Variants in MLH3 observed in about 807,000 individuals in gnomAD.
The protein encoded by MLH3 is DNA mismatch repair protein Mlh3.
Under a neutral mutation model 122.2 loss-of-function variants are expected in MLH3, and 82 were observed. The ratio of observed to expected loss-of-function variants is 0.67; its 90% CI spans 0.56 to 0.81. The LOEUF (loss-of-function observed/expected upper bound fraction) is 0.81, where lower values mean the gene tolerates loss of function less well. Ranked by LOEUF, MLH3 falls within the 30% of genes least tolerant of loss-of-function variation. The pLI is 0.00. For synonymous variants in MLH3, 524 were observed against 599.5 expected (o/e 0.87, Z 1.84); for missense variants, 1,539 against 1,714.5 (o/e 0.90, Z 1.81).
intron 8 of MLH3, among the ~76,000 whole-genome samples, chr14:75,031,362 A>G (rs1891037139): frequency 6.6e-6 from 1 of 152,252 alleles, no homozygotes; most frequent in African/African-American, 2.4e-5. Context: ...GAATGCACCA[A>G]AGCAAAGCAG....
In MLH3 at chr14:75,032,055, T is replaced by C. The variant is rs551067753; in HGVS notation, c.3827+13A>G. 1.4e-6 allele frequency: 2 copies of C among 1,411,020 alleles called. No homozygotes were observed. The highest frequency in any genetic ancestry group is 2.3e-5 in the East Asian group (1 of 43,964). The allele number at this position is 1,411,020 out of a possible 1,614,324, so 87.4% of individuals were successfully genotyped here. On this transcript the variant is annotated intron_variant, in intron 8 of 12. Coordinates refer to ENST00000355774, the MANE Select transcript of MLH3 (RefSeq NM_001040108.2). ...TGATACCATCAACATCACATTCTCA[T>C]GGTGGTACTGACCATAAGAGTCTCC...
Position 75,047,748 on chromosome 14 carries a change from T to C in MLH3, c.1908A>G (p.Thr636=), listed in dbSNP as rs2139573767. 6.2e-7 allele frequency: 1 copy of C among 1,614,172 alleles called. No homozygotes were observed. Among genetic ancestry groups the C allele is most frequent in the Non-Finnish European group, 8.5e-7 (1 of 1,180,004 alleles). Residue 636 remains threonine (T), a synonymous_variant, in exon 2 of 13, where the codon ACA becomes ACG. Coordinates refer to ENST00000355774, the MANE Select transcript of MLH3 (RefSeq NM_001040108.2). ...TATTTCCAAATGTTTCTTGGGCACG[T>C]GTGGGACCAGGTCTAACATAATTTT... ...SFKNYVRPGP[T]RAQETFGNRT...
At chr14:75,034,367 A>T (rs546653291) in intron 6 of MLH3, among the ~76,000 whole-genome samples, 81 of 152,316 alleles carry the variant, frequency 5.3e-4, no homozygotes, top group African/African-American at 1.9e-3. Context: ...TTGGAAACCC[A>T]CAAAGAATGT....
At chr14:75,041,742 C>T (rs568366548) in intron 3 of MLH3, 42 bp from the exon 4 acceptor site, 1 of 1,433,070 alleles carries the variant, frequency 7.0e-7, no homozygotes, top group Admixed American at 1.7e-5. Context: ...TCCAGAACCA[C>T]AGGGAAAGGA....
intron 6 of MLH3, among the ~76,000 whole-genome samples, chr14:75,036,962 T>C (rs1016768649): frequency 1.2e-4 from 18 of 151,856 alleles, no homozygotes; most frequent in African/African-American, 4.4e-4. Context: ...TACTCCATTC[T>C]CCACACTACA....
rs1435710187 is a variant in MLH3, at chr14:75,038,481, A to G, written c.3571-69T>C. The G allele has an allele frequency of 4.0e-6, 4 of 993,254 alleles. No homozygotes were observed. The East Asian group carries it at 9.5e-5, about 24-fold the overall frequency. The allele number at this position is 993,254 out of a possible 1,614,324, so 61.5% of individuals were successfully genotyped here. A position where few individuals can be genotyped will look rare whatever the true frequency, so the allele number is the denominator to read the frequency against. On this transcript the variant is annotated intron_variant, in intron 5 of 12. Coordinates refer to ENST00000355774, the MANE Select transcript of MLH3 (RefSeq NM_001040108.2). ...AACAAAGGCTTATTTGCATAGAAAGATACAGAACTGTATTTTATTTAGAGT... is the reference window on the plus strand; with the variant it reads ...AACAAAGGCTTATTTGCATAGAAAGGTACAGAACTGTATTTTATTTAGAGT...
At chr14:75,032,233 C>G in intron 7 of MLH3, 54 bp from the exon 8 acceptor site, 2 of 1,041,578 alleles carry the variant, frequency 1.9e-6, no homozygotes, top group Non-Finnish European at 3.0e-6. Context: ...CTTCTAGATT[C>G]AGATAAAAAT....
At chr14:75,019,621 CTT>C (rs928500258) in intron 11 of MLH3, among the ~76,000 whole-genome samples, 7 of 152,188 alleles carry the variant, frequency 4.6e-5, no homozygotes, top group African/African-American at 1.7e-4. Flanking sequence ...TTTGCCTACT[CTT>C]TATGGGTTTG....
chr14:75,019,872 C>T (rs893915621), intron 11 of MLH3, among the ~76,000 whole-genome samples: 7 of 152,072 alleles, frequency 4.6e-5, no homozygotes, highest in Non-Finnish European at 8.8e-5. Flanking sequence ...TAATTTCCAT[C>T]CTCATGGCGC....
intron 12 of MLH3, among the ~76,000 whole-genome samples, chr14:75,017,665 GA>G (rs1439014000): frequency 6.6e-6 from 1 of 152,212 alleles, no homozygotes; most frequent in African/African-American, 2.4e-5. Context: ...GATCCAAGGG[GA>G]CTCAGAACTT....
chr14:75,019,199 CAGG>C (rs1168469097), intron 11 of MLH3: 5 of 510,282 alleles, frequency 9.8e-6, no homozygotes, highest in African/African-American at 9.7e-5. Context: ...ATCATGAGGT[CAGG>C]AGTTCAAGAC....
Position 75,033,409 on chromosome 14 carries a change from A to G in MLH3, c.3715+10T>C, listed in dbSNP as rs1387748891. The G allele has an allele frequency of 6.2e-7, 1 of 1,613,766 alleles. No homozygotes were observed. The highest frequency in any genetic ancestry group is 1.7e-5 in the Admixed American group (1 of 60,006). On this transcript the variant is annotated intron_variant, in intron 7 of 12. Transcript: ENST00000355774. ...TCTCAAATTTTTTCTGGCTGCAAACAGATCCTTACCAATGATAAGCTGCTC... is the reference window on the plus strand; with the variant it reads ...TCTCAAATTTTTTCTGGCTGCAAACGGATCCTTACCAATGATAAGCTGCTC...
At position 75,047,496 on chromosome 14, in the gene MLH3, A is replaced by C. The variant is rs1892328710; in HGVS notation, c.2160T>G (p.Tyr720Ter). 6.2e-7 allele frequency: 1 copy of C among 1,614,156 alleles called. No individual in the cohort carries two copies. The highest frequency in any genetic ancestry group is 8.5e-7 in the Non-Finnish European group (1 of 1,180,016). ...TCCTACTATCATTGGAAACGTGTCTATACCAGGGGAAAGAGGGGGATGTAT... is the reference window on the plus strand; with the variant it reads ...TCCTACTATCATTGGAAACGTGTCTCTACCAGGGGAAAGAGGGGGATGTAT... The part of the protein sequence containing the change: ...LSDTSPSFPW[Y>*]RHVSNDSRKT... Residue 720 changes from tyrosine (Y) to a stop codon, truncating the protein, a stop_gained, in exon 2 of 13, where the codon TAT becomes TAG. Coordinates refer to ENST00000355774, the MANE Select transcript of MLH3 (RefSeq NM_001040108.2). LOFTEE classifies it high-confidence loss of function.
chr14:75,044,310 T>A (rs1019043921), intron 2 of MLH3, among the ~76,000 whole-genome samples: 1 of 152,210 alleles, frequency 6.6e-6, no homozygotes, highest in Non-Finnish European at 1.5e-5. Flanking sequence ...AGTATGCTAA[T>A]CCAGAATGTT....
At position 75,016,949 on chromosome 14, in the gene MLH3, C is replaced by G. The variant is rs1889920947; in HGVS notation, c.*133G>C. 1 of 980,444 alleles carries G rather than the reference C, an allele frequency of 1.0e-6. No individual in the cohort carries two copies. The highest frequency in any genetic ancestry group is 2.4e-5 in the East Asian group (1 of 40,834). The allele number at this position is 980,444 out of a possible 1,614,324, so 60.7% of individuals were successfully genotyped here. ...GCTCAAGAAAGACTGATACAGAGAG[C>G]CCTGCTGTCTAAGCTGCTCAGGGAC... On this transcript the variant is annotated 3_prime_UTR_variant, in exon 13 of 13. Transcript: ENST00000355774.
In MLH3 at chr14:75,014,613, T is replaced by C. The variant is rs764557856; in HGVS notation, c.*2469A>G. On this transcript the variant is annotated 3_prime_UTR_variant, in exon 13 of 13. Transcript: ENST00000355774. Reference sequence around the variant, plus strand: ...TGACTAAAGCTAAGCCTCTTGAAGGTAGAGACAGCCATAGGAACCTTCACT... The same window carrying C: ...TGACTAAAGCTAAGCCTCTTGAAGGCAGAGACAGCCATAGGAACCTTCACT... 4.5e-4 allele frequency: 92 copies of C among 204,128 alleles called. No individual in the cohort carries two copies. Among genetic ancestry groups the C allele is most frequent in the Non-Finnish European group, 6.8e-4 (68 of 99,482 alleles). The allele number at this position is 204,128 out of a possible 1,614,324, so 12.6% of individuals were successfully genotyped here.
Position 75,022,802 on chromosome 14 carries a change from T to C in MLH3, c.4090+12A>G, listed in dbSNP as rs1344126377. On this transcript the variant is annotated intron_variant, in intron 11 of 12. Transcript: ENST00000355774. ...CAGAGGTGTTTGATCACTGCTATGT[T>C]GAAGGGCTTACCATGGCAGGCTTGG... is the stretch of plus-strand genomic sequence containing the variant. The C allele has an allele frequency of 1.2e-6, 2 of 1,613,616 alleles. No individual in the cohort carries two copies. The highest frequency in any genetic ancestry group is 1.1e-5 in the South Asian group (1 of 91,076).
Position 75,013,920 on chromosome 14 carries a change from G to A in MLH3, c.*3162C>T, listed in dbSNP as rs116590265. 1.5e-3 allele frequency: 312 copies of A among 202,426 alleles called. 3 individuals are homozygous for A. The highest frequency in any genetic ancestry group is 6.5e-3 in the African/African-American group (285 of 43,708). The allele number at this position is 202,426 out of a possible 1,614,324, so 12.5% of individuals were successfully genotyped here. On this transcript the variant is annotated 3_prime_UTR_variant, in exon 13 of 13. Coordinates refer to ENST00000355774, the MANE Select transcript of MLH3 (RefSeq NM_001040108.2). ...TTAGAGGGTAAAGACAGGCATGATC[G>A]CGACTGGCCAGCATACTGGCCGGTT...
At position 75,044,211 on chromosome 14, in the gene MLH3, G is replaced by A. The variant is rs564260270; in HGVS notation, c.3281-1734C>T. The stretch of plus-strand genomic sequence containing the variant: ...CAGAAAGGTAGCAGGGTACTGAGGA[G>A]CCATCTGTTCATGGAACTTCTTTCT... On this transcript the variant is annotated intron_variant, in intron 2 of 12. Transcript: ENST00000355774. Among the ~76,000 whole-genome samples the A allele has an allele frequency of 7.9e-5, 12 of 152,244 alleles. No individual in the cohort carries two copies. In the South Asian group the frequency reaches 2.5e-3, roughly 32 times the overall value.
Sources: allele counts gnomAD v4.1 joint callset (sites outside exome capture counted in the v4.1 genomes callset), GRCh38; gene constraint gnomAD v4.1.1; transcripts MANE v1.5; gene names NCBI Gene and HGNC (gene_info 2026-07-23, HGNC 2026-07-21).